The following ADAM29 variants were observed in gnomAD, a reference collection of about 807,000 sequenced individuals.
ADAM29 encodes the protein ADAM metallopeptidase domain 29.
For missense variants in ADAM29, 969 were observed against 1,001.8 expected (o/e 0.97, Z 0.44); for synonymous variants, 367 against 342.3 (o/e 1.07, Z -0.80).
intron 4 of ADAM29, among the ~76,000 whole-genome samples, chr4:174,961,464 G>C (rs980938420): frequency 6.6e-5 from 10 of 151,898 alleles, no homozygotes; most frequent in African/African-American, 2.4e-4. Flanking sequence ...GACCCACATA[G>C]TTACAATGAC....
intron 2 of ADAM29, among the ~76,000 whole-genome samples, chr4:174,922,790 CAT>C (rs1743239961): frequency 6.6e-6 from 1 of 151,900 alleles, no homozygotes; most frequent in African/African-American, 2.4e-5. Context: ...GTGATAATCA[CAT>C]CTTTTAAATC....
At chr4:174,964,258 A>C (rs1746027289) in intron 4 of ADAM29, among the ~76,000 whole-genome samples, 1 of 151,962 alleles carries the variant, frequency 6.6e-6, no homozygotes, top group South Asian at 2.1e-4. Context: ...AAATTAGTAC[A>C]CACAAGAGGC....
At chr4:174,945,584 T>G (rs1744797963) in intron 4 of ADAM29, among the ~76,000 whole-genome samples, 1 of 152,176 alleles carries the variant, frequency 6.6e-6, no homozygotes, top group South Asian at 2.1e-4. Flanking sequence ...ATGTCTAGAA[T>G]TGTGTTTTCT....
rs776017809 is a variant in ADAM29 at position 174,977,299 on chromosome 4, G to C, written c.1774G>C (p.Gly592Arg). Reference protein sequence around the residue: ...WSTDYHLGMKGPDIGEVKDGT... With the variant: ...WSTDYHLGMKRPDIGEVKDGT... ...TACTGATTACCATTTGGGGATGAAGGGACCTGATATTGGTGAAGTGAAAGA... is the reference window on the plus strand; with the variant it reads ...TACTGATTACCATTTGGGGATGAAGCGACCTGATATTGGTGAAGTGAAAGA... Residue 592 changes from glycine (G) to arginine (R), a missense_variant, in exon 5 of 5, where the codon GGA becomes CGA. Physicochemically the swap from Gly to Arg is moderately radical, Grantham distance 125. Transcript: ENST00000359240. The C allele has an allele frequency of 6.2e-7, 1 of 1,613,788 alleles. No individual in the cohort carries two copies. The highest frequency in any genetic ancestry group is 1.1e-5 in the South Asian group (1 of 91,058).
At chr4:174,929,530 C>T (rs189954760) in intron 2 of ADAM29, among the ~76,000 whole-genome samples, 119 of 152,128 alleles carry the variant, frequency 7.8e-4, no homozygotes, top group Admixed American at 3.9e-3. Context: ...GTGCGCTTCC[C>T]GCCTCGCAGT....
At chr4:174,930,147 C>T (rs1743776220) in intron 2 of ADAM29, among the ~76,000 whole-genome samples, 1 of 152,078 alleles carries the variant, frequency 6.6e-6, no homozygotes, top group Non-Finnish European at 1.5e-5. Context: ...CCAGGATGGT[C>T]TCGATCTCCT....
intron 2 of ADAM29, among the ~76,000 whole-genome samples, chr4:174,925,275 C>A (rs6828523): frequency 0.2 from 30,545 of 152,004 alleles, 4,043 homozygotes; most frequent in African/African-American, 0.38. Context: ...AATATTGGTT[C>A]TTTCATTGTG....
chr4:174,931,268 C>T (rs749013799), intron 3 of ADAM29, 94 bp downstream of exon 3: 4 of 152,146 alleles, frequency 2.6e-5, no homozygotes, highest in Non-Finnish European at 5.9e-5. Context: ...CTATTCTGGA[C>T]TTACTTCTAA....
chr4:174,972,221 A>T (rs1278717752), intron 4 of ADAM29, among the ~76,000 whole-genome samples: 1 of 152,132 alleles, frequency 6.6e-6, no homozygotes, highest in Non-Finnish European at 1.5e-5. Flanking sequence ...TGTTTGGAAC[A>T]TCTTTGCCTG....
At position 174,954,225 on chromosome 4, in the gene ADAM29, C is replaced by T. The variant is rs1390068618; in HGVS notation, c.-181+17212C>T. Among the ~76,000 whole-genome samples the T allele has an allele frequency of 2.6e-5, 4 of 152,100 alleles. No individual in the cohort carries two copies. In the South Asian group the frequency reaches 8.3e-4, roughly 32 times the overall value. On this transcript the variant is annotated intron_variant, in intron 4 of 4. Transcript: ENST00000359240. ...TCATTTCATATTAGATCTTGCCATT[C>T]CCTAAATTCTTATAATCAGTCCCTT...
At chr4:174,956,494 C>CTGTG (rs147629496) in intron 4 of ADAM29, among the ~76,000 whole-genome samples, 19 of 149,086 alleles carry the variant, frequency 1.3e-4, no homozygotes, top group South Asian at 1.3e-3. Flanking sequence ...GTGTGTGTGT[C>CTGTG]TGTGTGTGTG....
intron 2 of ADAM29, among the ~76,000 whole-genome samples, chr4:174,922,893 A>T (rs1360348887): frequency 1.1e-4 from 16 of 152,052 alleles, no homozygotes; most frequent in Non-Finnish European, 2.1e-4. Context: ...CGTGAATAGC[A>T]AAGCCAAAAG....
At chr4:174,957,768 CTAT>C (rs1158501463) in intron 4 of ADAM29, among the ~76,000 whole-genome samples, 2 of 151,814 alleles carry the variant, frequency 1.3e-5, no homozygotes, top group African/African-American at 4.8e-5. Flanking sequence ...TAATATGAAT[CTAT>C]CTTTCTAAAA....
chr4:174,934,673 C>T (rs991056376), intron 3 of ADAM29, among the ~76,000 whole-genome samples: 10 of 152,190 alleles, frequency 6.6e-5, no homozygotes, highest in African/African-American at 2.4e-4. Context: ...GAGCTTCATC[C>T]CCAGAGATTC....
At chr4:174,963,623 T>G (rs939173300) in intron 4 of ADAM29, among the ~76,000 whole-genome samples, 9 of 151,940 alleles carry the variant, frequency 5.9e-5, no homozygotes, top group Non-Finnish European at 1.0e-4. Context: ...AAATTTTGTA[T>G]AGTATAATAT....
intron 4 of ADAM29, among the ~76,000 whole-genome samples, chr4:174,962,928 C>T (rs1266281630): frequency 1.3e-5 from 2 of 152,046 alleles, no homozygotes; most frequent in African/African-American, 4.8e-5. Context: ...TATTAGAATG[C>T]TCTACCAATG....
chr4:174,934,429 T>C (rs557327741), intron 3 of ADAM29, among the ~76,000 whole-genome samples: 3 of 152,132 alleles, frequency 2.0e-5, no homozygotes, highest in African/African-American at 4.8e-5. Flanking sequence ...TTTCTCCATA[T>C]TTACCATTTT....
At chr4:174,956,367 T>C (rs958322826) in intron 4 of ADAM29, among the ~76,000 whole-genome samples, 1 of 152,018 alleles carries the variant, frequency 6.6e-6, no homozygotes, top group Non-Finnish European at 1.5e-5. Context: ...TTAGTAAATA[T>C]TCATTCAAAA....
rs149566990 is a variant in ADAM29, at chr4:174,947,143, T to A, written c.-181+10130T>A. On this transcript the variant is annotated intron_variant, in intron 4 of 4. Transcript: ENST00000359240. ...ATTTGGATCTCTCTCTCTCTCTCTT[T>A]TATTAGTCTATCTAGCAGTCTATTA... Among the ~76,000 whole-genome samples the A allele has an allele frequency of 3.0e-3, 451 of 152,216 alleles. 3 individuals are homozygous for A. Among genetic ancestry groups the A allele is most frequent in the African/African-American group, 0.01 (419 of 41,564 alleles).
Sources: gnomAD v4.1 joint callset for allele counts (sites outside exome capture counted in the v4.1 genomes callset) on GRCh38, gnomAD v4.1.1 for gene constraint, MANE v1.5 for transcripts, NCBI Gene and HGNC (gene_info 2026-07-23, HGNC 2026-07-21) for gene names.